TMEM132B: variants seen among roughly 807,000 people sequenced by gnomAD.
TMEM132B encodes the protein transmembrane protein 132B.
A neutral mutation model predicts 90.8 loss-of-function variants in TMEM132B; 18 were observed. That is an observed-to-expected ratio of 0.20 (90% CI 0.14 to 0.29). The LOEUF (loss-of-function observed/expected upper bound fraction) is 0.29. TMEM132B is among the 10% of genes least tolerant of loss of function. TMEM132B has a pLI of 1.00. For synonymous variants in TMEM132B, 504 were observed against 523.3 expected (o/e 0.96, Z 0.50); for missense variants, 1,096 against 1,326.8 (o/e 0.83, Z 2.70).
intron 2 of TMEM132B, among the ~76,000 whole-genome samples, chr12:125,411,574 G>C (rs539819824): frequency 9.2e-5 from 14 of 152,238 alleles, no homozygotes; most frequent in African/African-American, 3.4e-4. Context: ...CAAACCTCTA[G>C]GGTACGTGTG....
chr12:125,380,762 A>G (rs938628589), intron 2 of TMEM132B, among the ~76,000 whole-genome samples: 3 of 152,118 alleles, frequency 2.0e-5, no homozygotes, highest in Non-Finnish European at 4.4e-5. Flanking sequence ...CCTCCCACCC[A>G]TGGTGTCCAT....
intron 1 of TMEM132B, among the ~76,000 whole-genome samples, chr12:125,198,367 C>T (rs1372372346): frequency 6.6e-6 from 1 of 152,202 alleles, no homozygotes; most frequent in Non-Finnish European, 1.5e-5. Context: ...TCTGCTCTGT[C>T]TGCCACTTGG....
chr12:125,230,581 T>C (rs11058086), intron 1 of TMEM132B, among the ~76,000 whole-genome samples: 5,655 of 151,620 alleles, frequency 0.037, 133 homozygotes, highest in Non-Finnish European at 0.049. Flanking sequence ...CCTGGGTTCA[T>C]GCCATTCTCT....
chr12:125,329,962 G>A (rs1876712192), intron 1 of TMEM132B, among the ~76,000 whole-genome samples: 1 of 152,218 alleles, frequency 6.6e-6, no homozygotes, highest in Non-Finnish European at 1.5e-5. Flanking sequence ...TGACGGAAGT[G>A]GACAAAGGGA....
chr12:125,474,052 TTCTTTTTCCTTTCC>T (rs1375812904), intron 3 of TMEM132B, among the ~76,000 whole-genome samples: 14 of 130,686 alleles, frequency 1.1e-4, no homozygotes, highest in South Asian at 2.6e-4. Flanking sequence ...CCTTCCTTCT[TTCTTTTTCCTTTCC>T]TTTCCTTTCC....
At chr12:125,332,880 G>A (rs917327098) in intron 1 of TMEM132B, among the ~76,000 whole-genome samples, 9 of 151,448 alleles carry the variant, frequency 5.9e-5, no homozygotes, top group African/African-American at 2.5e-5. Context: ...ACAAGAAAGA[G>A]AACAAAAGAT....
chr12:125,500,056 A>G lies in TMEM132B; in HGVS notation c.1107-19383A>G, dbSNP rs557146888. Among the ~76,000 whole-genome samples the G allele has an allele frequency of 8.8e-3, 1,284 of 146,178 alleles. 20 individuals carry two copies. The highest frequency in any genetic ancestry group is 0.031 in the African/African-American group (1,215 of 39,552). ...GTATATCCAGTGCATTGTTGGCACC[A>G]TGGGACCAGAAGGCGGTGATCCCCC... On this transcript the variant is annotated intron_variant, in intron 3 of 8. Transcript: ENST00000682704.
At chr12:125,648,268 G>T (rs1273641358) in intron 6 of TMEM132B, among the ~76,000 whole-genome samples, 1 of 152,046 alleles carries the variant, frequency 6.6e-6, no homozygotes, top group Non-Finnish European at 1.5e-5. Flanking sequence ...ATTCCATGGT[G>T]TATATGTGCC....
At chr12:125,270,660 A>G (rs1425967352) in intron 1 of TMEM132B, among the ~76,000 whole-genome samples, 1 of 152,026 alleles carries the variant, frequency 6.6e-6, no homozygotes, top group Non-Finnish European at 1.5e-5. Flanking sequence ...CACCAAAGAC[A>G]CGGATGAGGG....
At chr12:125,270,357 A>G (rs1020469511) in intron 1 of TMEM132B, among the ~76,000 whole-genome samples, 5 of 152,132 alleles carry the variant, frequency 3.3e-5, no homozygotes, top group Admixed American at 3.3e-4. Flanking sequence ...CCCTAAGGCC[A>G]CTTTCCAAGA....
chr12:125,318,598 ATAAG>A (rs1876346830), intron 1 of TMEM132B, among the ~76,000 whole-genome samples: 1 of 151,742 alleles, frequency 6.6e-6, no homozygotes, highest in Admixed American at 6.6e-5. Flanking sequence ...GCTCCCACTT[ATAAG>A]TGAGAACATG....
intron 2 of TMEM132B, among the ~76,000 whole-genome samples, chr12:125,395,775 C>G (rs1161026998): frequency 1.3e-5 from 2 of 152,168 alleles, no homozygotes; most frequent in Admixed American, 1.3e-4. Flanking sequence ...CTGGCTGGAT[C>G]CAGACGCTGA....
intron 2 of TMEM132B, among the ~76,000 whole-genome samples, chr12:125,401,433 G>T (rs1261269229): frequency 6.6e-6 from 1 of 152,152 alleles, no homozygotes; most frequent in African/African-American, 2.4e-5. Flanking sequence ...AAGTTGTTGA[G>T]GATAAGAGGG....
chr12:125,469,554 G>C (rs1299857628), intron 3 of TMEM132B, among the ~76,000 whole-genome samples: 1 of 152,162 alleles, frequency 6.6e-6, no homozygotes, highest in Admixed American at 6.5e-5. Flanking sequence ...GATGAGGCCA[G>C]TGAGAAGTAG....
At chr12:125,404,904 A>G (rs1295977138) in intron 2 of TMEM132B, among the ~76,000 whole-genome samples, 2 of 152,188 alleles carry the variant, frequency 1.3e-5, no homozygotes, top group African/African-American at 4.8e-5. Context: ...GTTTATATGT[A>G]AGCCACTGTT....
chr12:125,323,629 C>T (rs1306955962), intron 1 of TMEM132B, among the ~76,000 whole-genome samples: 1 of 152,120 alleles, frequency 6.6e-6, no homozygotes, highest in Non-Finnish European at 1.5e-5. Flanking sequence ...AGCGATTCTC[C>T]TGCCTCAGCC....
chr12:125,284,130 G>A (rs1177383883), intron 1 of TMEM132B, among the ~76,000 whole-genome samples: 1 of 152,172 alleles, frequency 6.6e-6, no homozygotes, highest in Non-Finnish European at 1.5e-5. Flanking sequence ...TCTATGGTAG[G>A]TGATTTTTTG....
intron 4 of TMEM132B, among the ~76,000 whole-genome samples, chr12:125,575,928 A>G (rs1884931684): frequency 6.6e-6 from 1 of 152,116 alleles, no homozygotes; most frequent in South Asian, 2.1e-4. Context: ...GAGCCTTCCA[A>G]CTGTTATTTA....
intron 2 of TMEM132B, among the ~76,000 whole-genome samples, chr12:125,357,283 G>A (rs996398558): frequency 2.0e-5 from 3 of 152,254 alleles, no homozygotes; most frequent in Admixed American, 6.5e-5. Context: ...TTACTGATTC[G>A]TCACCTCTAA....
Sources: gnomAD v4.1 joint callset for allele counts (sites outside exome capture counted in the v4.1 genomes callset) on GRCh38, gnomAD v4.1.1 for gene constraint, MANE v1.5 for transcripts, NCBI Gene and HGNC (gene_info 2026-07-23, HGNC 2026-07-21) for gene names.